ARID5B: variants seen among roughly 807,000 people sequenced by gnomAD.
ARID5B encodes AT-rich interactive domain-containing protein 5B.
Under a neutral mutation model 97.2 loss-of-function variants are expected in ARID5B, and 13 were observed. The observed-to-expected ratio is 0.13, with a 90% CI of 0.09 to 0.21. ARID5B has a LOEUF of 0.21. ARID5B is among the 10% of genes least tolerant of loss of function. ARID5B has a pLI of 1.00. For synonymous variants in ARID5B, 556 were observed against 570.3 expected, an observed-to-expected ratio of 0.97 and a Z score of 0.36; for missense variants, 1,210 against 1,465.3, an observed-to-expected ratio of 0.83 and a Z score of 2.84.
intron 3 of ARID5B, among the ~76,000 whole-genome samples, chr10:61,951,892 A>G (rs1838328694): frequency 6.6e-6 from 1 of 152,130 alleles, no homozygotes; most frequent in Non-Finnish European, 1.5e-5. Flanking sequence ...AATATCCTAT[A>G]CTGGGTTTTT....
At chr10:61,981,453 T>A (rs1215429169) in intron 3 of ARID5B, among the ~76,000 whole-genome samples, 1 of 152,142 alleles carries the variant, frequency 6.6e-6, no homozygotes, top group Non-Finnish European at 1.5e-5. Context: ...AATTAATTTT[T>A]ATATTTTTAA....
chr10:62,025,245 T>C (rs968333096), intron 4 of ARID5B: 2 of 152,230 alleles, frequency 1.3e-5, no homozygotes, highest in African/African-American at 4.8e-5. Context: ...GTGTCATCTA[T>C]CACAGTGTTT....
At chr10:61,932,651 A>G (rs1844231627) in intron 2 of ARID5B, among the ~76,000 whole-genome samples, 1 of 151,998 alleles carries the variant, frequency 6.6e-6, no homozygotes, top group Admixed American at 6.6e-5. Flanking sequence ...TTAAAATGCC[A>G]TGCATTGGTT....
intron 8 of ARID5B, among the ~76,000 whole-genome samples, chr10:62,074,708 A>G (rs1840105574): frequency 6.6e-6 from 1 of 152,200 alleles, no homozygotes; most frequent in African/African-American, 2.4e-5. Flanking sequence ...ATAGATACGC[A>G]ATTCAGAAAG....
chr10:62,048,490 C>T (rs942859716), intron 4 of ARID5B, among the ~76,000 whole-genome samples: 12 of 152,174 alleles, frequency 7.9e-5, no homozygotes, highest in African/African-American at 2.7e-4. Flanking sequence ...ACCTGAAATA[C>T]GCAAGTACTT....
chr10:61,996,020 C>A (rs1393493680), intron 3 of ARID5B, among the ~76,000 whole-genome samples: 1 of 152,146 alleles, frequency 6.6e-6, no homozygotes, highest in Non-Finnish European at 1.5e-5. Flanking sequence ...AGACCAAGCC[C>A]CAGCTGTGCC....
intron 4 of ARID5B, among the ~76,000 whole-genome samples, chr10:62,016,339 T>C (rs550922785): frequency 1.7e-4 from 26 of 152,352 alleles, no homozygotes; most frequent in African/African-American, 6.0e-4. Flanking sequence ...ACCAATGAGG[T>C]TCATTAAATT....
chr10:61,936,313 T>C lies in ARID5B; in HGVS notation c.277-3870T>C, dbSNP rs117109906. 7.6e-3 allele frequency among the ~76,000 whole-genome samples: 1,158 copies of C among 152,344 alleles called. 11 individuals carry two copies. Among genetic ancestry groups the C allele is most frequent in the Middle Eastern group, 0.041 (12 of 294 alleles). ...CAAATAAGCAATGAAAAACTTAATA[T>C]ACATTTTAAAAGTTTATTTCTGGGC... On this transcript the variant is annotated intron_variant, in intron 2 of 9. Coordinates refer to ENST00000279873, the MANE Select transcript of ARID5B (RefSeq NM_032199.3).
At chr10:62,078,014 G>C (rs1300252867) in intron 8 of ARID5B, among the ~76,000 whole-genome samples, 1 of 152,186 alleles carries the variant, frequency 6.6e-6, no homozygotes, top group African/African-American at 2.4e-5. Flanking sequence ...TTTTGTTTTT[G>C]TGTAAGTTAC....
intron 3 of ARID5B, among the ~76,000 whole-genome samples, chr10:61,998,375 C>A (rs1010562099): frequency 1.3e-5 from 2 of 152,114 alleles, no homozygotes; most frequent in Non-Finnish European, 2.9e-5. Flanking sequence ...GAGTGTTTTC[C>A]CTTTGGAGAA....
rs190695030 is a variant in ARID5B, at chr10:62,008,239, G to A, written c.733+7918G>A. ...ATGAATGGATGGATACGTTTATAGC[G>A]TATGTCAGTATCATTGCTATCCCCT... On this transcript the variant is annotated intron_variant, in intron 4 of 9. Coordinates refer to ENST00000279873, the MANE Select transcript of ARID5B (RefSeq NM_032199.3). 4.9e-3 allele frequency among the ~76,000 whole-genome samples: 748 copies of A among 152,268 alleles called. 25 individuals carry two copies. The highest frequency in any genetic ancestry group is 9.3e-4 in the Non-Finnish European group (63 of 68,026).
At chr10:62,028,343 C>A (rs1040235085) in intron 4 of ARID5B, among the ~76,000 whole-genome samples, 1 of 152,142 alleles carries the variant, frequency 6.6e-6, no homozygotes, top group Non-Finnish European at 1.5e-5. Flanking sequence ...AGTGAGCAAT[C>A]CTGTGTTAAG....
chr10:61,972,314 G>A (rs558427276), intron 3 of ARID5B, among the ~76,000 whole-genome samples: 5 of 138,336 alleles, frequency 3.6e-5, no homozygotes, highest in South Asian at 2.4e-4. Context: ...TGCAACCTCC[G>A]CCTCCCAGGT....
At chr10:61,996,003 C>T (rs1219969138) in intron 3 of ARID5B, among the ~76,000 whole-genome samples, 1 of 152,150 alleles carries the variant, frequency 6.6e-6, no homozygotes, top group African/African-American at 2.4e-5. Flanking sequence ...CCAAGCATTG[C>T]CACAATAGAC....
At chr10:62,016,711 A>G (rs368553735) in intron 4 of ARID5B, among the ~76,000 whole-genome samples, 1 of 152,150 alleles carries the variant, frequency 6.6e-6, no homozygotes, top group Non-Finnish European at 1.5e-5. Flanking sequence ...CTTCCCAAAG[A>G]CTGTTGCTAA....
At chr10:61,931,495 A>T (rs1213913567) in intron 2 of ARID5B, among the ~76,000 whole-genome samples, 2 of 152,210 alleles carry the variant, frequency 1.3e-5, no homozygotes, top group Non-Finnish European at 2.9e-5. Context: ...AAAAGAAAAA[A>T]AATCTAACTG....
chr10:62,027,947 C>A (rs1651517167), intron 4 of ARID5B, among the ~76,000 whole-genome samples: 1 of 152,134 alleles, frequency 6.6e-6, no homozygotes, highest in African/African-American at 2.4e-5. Context: ...CATGCCAAAA[C>A]CTCAGCTTTA....
intron 4 of ARID5B, among the ~76,000 whole-genome samples, chr10:62,044,902 T>C (rs1349221702): frequency 6.6e-6 from 1 of 152,196 alleles, no homozygotes; most frequent in Non-Finnish European, 1.5e-5. Flanking sequence ...GGAAGACTGA[T>C]TTTGGGAAAA....
At chr10:61,913,096 A>T (rs1211201077) in intron 2 of ARID5B, among the ~76,000 whole-genome samples, 1 of 152,170 alleles carries the variant, frequency 6.6e-6, no homozygotes, top group Non-Finnish European at 1.5e-5. Flanking sequence ...TCTGGTTGGA[A>T]ATTTGCACTG....
Sources: allele counts gnomAD v4.1 joint callset (sites outside exome capture counted in the v4.1 genomes callset), GRCh38; gene constraint gnomAD v4.1.1; transcripts MANE v1.5; gene names NCBI Gene and HGNC (gene_info 2026-07-23, HGNC 2026-07-21).